The following MAST4 variants were observed in gnomAD, a reference collection of about 807,000 sequenced individuals.
MAST4 encodes the protein microtubule associated serine/threonine kinase family member 4.
In MAST4, 89 loss-of-function variants were observed where a neutral mutation model predicts 162.7. The observed-to-expected ratio is 0.55, with a 90% CI of 0.46 to 0.65. The LOEUF is 0.65. Among genes scored for constraint, MAST4 ranks in the 30% least tolerant of loss-of-function variants. MAST4 has a pLI of 0.00. For synonymous variants in MAST4, 1,479 were observed against 1,361.1 expected, an observed-to-expected ratio of 1.09 and a Z score of -1.91; for missense variants, 3,153 against 3,374.0, an observed-to-expected ratio of 0.93 and a Z score of 1.62.
intron 1 of MAST4, among the ~76,000 whole-genome samples, chr5:66,649,338 CAT>C (rs1327870841): frequency 6.6e-6 from 1 of 152,118 alleles, no homozygotes; most frequent in Non-Finnish European, 1.5e-5. Context: ...TGCCTGAACA[CAT>C]GTGTTGGGCC....
intron 3 of MAST4, chr5:66,870,702 C>T (rs1760866796): frequency 2.2e-6 from 1 of 456,646 alleles, no homozygotes; most frequent in African/African-American, 2.0e-5. Flanking sequence ...CTTTTCTGAC[C>T]ATTTCTCCAT....
At chr5:67,094,530 C>A (rs896596594) in intron 6 of MAST4, among the ~76,000 whole-genome samples, 2 of 152,088 alleles carry the variant, frequency 1.3e-5, no homozygotes, top group Non-Finnish European at 2.9e-5. Flanking sequence ...CCTAAAAATG[C>A]AATGTTGCTT....
chr5:67,031,157 C>T lies in MAST4; in HGVS notation c.675-23247C>T, dbSNP rs553940384. 1.9e-4 allele frequency among the ~76,000 whole-genome samples: 29 copies of T among 152,186 alleles called. No homozygotes were observed. The South Asian group carries it at 5.4e-3, about 28-fold the overall frequency. On this transcript the variant is annotated intron_variant, in intron 4 of 28. Transcript: ENST00000403625. ...ATGCGTTTATTAAATAGATTAATAT[C>T]AGTTCCTGGTGGGTGGAGATTATCA...
rs765468820 is a variant in MAST4 at position 66,788,697 on chromosome 5, C to A, written c.545C>A (p.Ala182Glu). The A allele has an allele frequency of 1.2e-6, 2 of 1,612,360 alleles. No individual in the cohort carries two copies. Among genetic ancestry groups the A allele is most frequent in the African/African-American group, 2.7e-5 (2 of 74,602 alleles). Reference protein sequence around the residue: ...TGRYLLPNPVAGQAWPASAET... With the variant: ...TGRYLLPNPVEGQAWPASAET... ...AGGTACCTTCTTCCAAACCCGGTGG[C>A]GGGACAGGCCTGGCCGGCCTCTGCA... Residue 182 changes from alanine (A) to glutamate (E), a missense_variant, in exon 3 of 29, where the codon GCG (alanine) becomes GAG (glutamate). Physicochemically the swap from Ala to Glu is moderately radical, Grantham distance 107 (BLOSUM62 -1). This residue lies in a region of MAST4 where 327 missense variants were observed against 336.5 expected (regional missense o/e 0.97). Transcript: ENST00000403625.
chr5:67,114,357 C>G (rs927747325), intron 12 of MAST4, 138 bp downstream of exon 12: 3 of 1,057,620 alleles, frequency 2.8e-6, no homozygotes, highest in Non-Finnish European at 4.0e-6. Flanking sequence ...GGACTGGTTG[C>G]TATTTGAAGG....
Position 66,596,945 on chromosome 5 carries a change from CG to C in MAST4, c.291del (p.Pro98ArgfsTer52). The C allele has an allele frequency of 7.2e-7, 1 of 1,397,414 alleles. No homozygotes were observed. 86.6% of individuals were successfully genotyped at this position (1,397,414 alleles called of 1,614,324 possible). On this transcript the variant is annotated frameshift_variant, in exon 1 of 29. Coordinates refer to ENST00000403625, the MANE Select transcript of MAST4 (RefSeq NM_001164664.2). LOFTEE classifies it high-confidence loss of function. ...LLERGVLALP[P>X]PLPGGAVPPA... Reference sequence around the variant, plus strand: ...GAGCGCGGAGTCCTTGCGCTGCCGCCGCCGCTTCCCGGAGGAGCTGTGCCGC... The same window carrying C: ...GAGCGCGGAGTCCTTGCGCTGCCGCCCCGCTTCCCGGAGGAGCTGTGCCGC...
chr5:66,907,397 G>T (rs1042495576), intron 4 of MAST4, among the ~76,000 whole-genome samples: 7 of 152,200 alleles, frequency 4.6e-5, no homozygotes, highest in African/African-American at 1.7e-4. Flanking sequence ...AGGATCAGCA[G>T]TTCGGTATTT....
rs369872628 is a variant in MAST4 at position 67,071,621 on chromosome 5, A to T, written c.763+17129A>T. Reference sequence around the variant, plus strand: ...CTAAAGATACAAAAATTAGCCGGGCATAGTGGCATACACCTGTAGTCCCAG... The same window carrying T: ...CTAAAGATACAAAAATTAGCCGGGCTTAGTGGCATACACCTGTAGTCCCAG... On this transcript the variant is annotated intron_variant, in intron 5 of 28. Transcript: ENST00000403625. Among the ~76,000 whole-genome samples, 3 of 152,316 alleles carry T rather than the reference A, an allele frequency of 2.0e-5. No homozygotes were observed. The South Asian group carries it at 6.2e-4, about 32-fold the overall frequency.
rs1183313187 is a variant in MAST4 at position 67,130,368 on chromosome 5, G to C, written c.1904G>C (p.Cys635Ser). 1 of 1,613,954 alleles carries C rather than the reference G, an allele frequency of 6.2e-7. No individual in the cohort carries two copies. Among genetic ancestry groups the C allele is most frequent in the Admixed American group, 1.7e-5 (1 of 59,984 alleles). The change falls in exon 15 of 29, where the codon TGC becomes TCC. Residue 635 changes from cysteine to serine, a missense_variant. Around this residue, in one of 7 missense-constraint regions of MAST4, gnomAD observed 131 missense variants for 253.8 expected, o/e 0.52. Transcript: ENST00000403625. Reference protein sequence around the residue: ...AENPFVVSMYCSFETRRHLCM... With the variant: ...AENPFVVSMYSSFETRRHLCM... ...AACCCCTTTGTTGTCAGCATGTATT[G>C]CTCCTTTGAAACAAGGCGCCACTTG...
intron 3 of MAST4, among the ~76,000 whole-genome samples, chr5:66,842,096 T>C (rs533647102): frequency 3.3e-5 from 5 of 152,318 alleles, no homozygotes; most frequent in Non-Finnish European, 7.4e-5. Context: ...TATTGTACAA[T>C]CCTTTTGCTT....
At chr5:66,889,754 G>C (rs1390219824) in intron 3 of MAST4, among the ~76,000 whole-genome samples, 1 of 152,184 alleles carries the variant, frequency 6.6e-6, no homozygotes, top group African/African-American at 2.4e-5. Context: ...GTGCTCTTAG[G>C]TTTGGGAGCT....
At chr5:66,969,190 C>T (rs1747122351) in intron 4 of MAST4, among the ~76,000 whole-genome samples, 1 of 152,116 alleles carries the variant, frequency 6.6e-6, no homozygotes, top group Non-Finnish European at 1.5e-5. Flanking sequence ...GGCTGGGTCC[C>T]TGCGGCACCT....
At chr5:66,923,169 T>C (rs188035255) in intron 4 of MAST4, among the ~76,000 whole-genome samples, 1 of 152,312 alleles carries the variant, frequency 6.6e-6, no homozygotes, top group East Asian at 1.9e-4. Context: ...TTGCTCCCCA[T>C]TGTGGGGCCA....
rs755963281 is a variant in MAST4, at chr5:66,596,733, T to A, written c.78T>A (p.Ser26=). The part of the protein sequence containing the change: ...CSGHGSRTPA[S]ALVAASSPGA... ...GCCACGGCAGCCGGACTCCAGCCTC[T>A]GCGCTGGTCGCCGCGTCCTCTCCGG... is the stretch of plus-strand genomic sequence containing the variant. The change falls in exon 1 of 29, where the codon TCT becomes TCA. Residue 26 remains serine (S), a synonymous_variant. Transcript: ENST00000403625. The A allele has an allele frequency of 8.5e-6, 12 of 1,415,348 alleles. No homozygotes were observed. The African/African-American group carries it at 1.3e-4, about 16-fold the overall frequency. 87.7% of individuals were successfully genotyped at this position (1,415,348 alleles called of 1,614,324 possible).
chr5:66,661,085 A>G (rs1746877554), intron 1 of MAST4, among the ~76,000 whole-genome samples: 1 of 152,162 alleles, frequency 6.6e-6, no homozygotes, highest in Non-Finnish European at 1.5e-5. Context: ...AGGCATCCCT[A>G]GTGTCTATAT....
At chr5:66,831,473 A>G (rs1206713886) in intron 3 of MAST4, among the ~76,000 whole-genome samples, 1 of 152,232 alleles carries the variant, frequency 6.6e-6, no homozygotes, top group Non-Finnish European at 1.5e-5. Flanking sequence ...TGTTTAGTAT[A>G]AAATGATGCA....
In MAST4 at chr5:66,837,541, TAAGC is replaced by T. The variant is rs539382640; in HGVS notation, c.642+48751_642+48754del. Among the ~76,000 whole-genome samples, 24 of 152,216 alleles carry T rather than the reference TAAGC, an allele frequency of 1.6e-4. No homozygotes were observed. In the East Asian group the frequency reaches 4.6e-3, roughly 29 times the overall value. ...TCTATTTTGTGCTGTCTTTTGGAAT[TAAGC>T]AAGATAAATCAACTTTAATTTGGTG... On this transcript the variant is annotated intron_variant, in intron 3 of 28. Transcript: ENST00000403625.
chr5:67,026,404 C>T (rs564048485), intron 4 of MAST4, among the ~76,000 whole-genome samples: 77 of 152,302 alleles, frequency 5.1e-4, no homozygotes, highest in African/African-American at 4.3e-4. Context: ...ATAAATGCCC[C>T]TGTGTTAATT....
chr5:67,119,601 C>T (rs528026773), intron 13 of MAST4, among the ~76,000 whole-genome samples: 6 of 152,280 alleles, frequency 3.9e-5, no homozygotes, highest in Admixed American at 3.3e-4. Flanking sequence ...TTATGTAAAA[C>T]GGTTGGGACA....
Sources: gnomAD v4.1 joint callset for allele counts (sites outside exome capture counted in the v4.1 genomes callset) on GRCh38, gnomAD v4.1.1 for gene constraint, gnomAD v4.1.1 regional missense constraint, MANE v1.5 for transcripts, NCBI Gene and HGNC (gene_info 2026-07-23, HGNC 2026-07-21) for gene names.